ANKRD12: variants seen among roughly 807,000 people sequenced by gnomAD.
ANKRD12 encodes the protein ankyrin repeat domain 12.
A neutral mutation model predicts 183.4 loss-of-function variants in ANKRD12; 85 were observed. The ratio of observed to expected loss-of-function variants is 0.46; its 90% CI spans 0.39 to 0.56. ANKRD12 has a LOEUF of 0.56. ANKRD12 is among the 20% of genes least tolerant of loss of function. ANKRD12 has a pLI of 0.00. For missense variants in ANKRD12, 2,405 were observed against 2,357.1 expected, an observed-to-expected ratio of 1.02 and a Z score of -0.42; for synonymous variants, 914 against 800.2, an observed-to-expected ratio of 1.14 and a Z score of -2.40.
In ANKRD12 at chr18:9,258,248, A is replaced by G; in HGVS notation, c.4981A>G (p.Lys1661Glu). Reference sequence around the variant, plus strand: ...ATGTGAAATGAATGCAGGGATGCCAAAAGGAAACCTAAATGAACAAGATCC... The same window carrying G: ...ATGTGAAATGAATGCAGGGATGCCAGAAGGAAACCTAAATGAACAAGATCC... ...DLCEMNAGMP[K>E]GNLNEQDPKH... Residue 1661 changes from lysine to glutamate, a missense_variant, in exon 9 of 13, where the codon AAA becomes GAA. Lys to Glu is a moderately conservative substitution (Grantham distance 56). This residue lies in a region of ANKRD12 where 1,983 missense variants were observed against 1,725.9 expected (regional missense o/e 1.15). Transcript: ENST00000262126. 6.2e-7 allele frequency: 1 copy of G among 1,613,850 alleles called. No individual in the cohort carries two copies. Among genetic ancestry groups the G allele is most frequent in the East Asian group, 2.2e-5 (1 of 44,846 alleles).
At chr18:9,266,876 C>CA in intron 10 of ANKRD12, among the ~76,000 whole-genome samples, 1 of 152,284 alleles carries the variant, frequency 6.6e-6, no homozygotes, top group East Asian at 1.9e-4. Flanking sequence ...AAACCCATCT[C>CA]ACGTGCAGAG....
chr18:9,179,852 T>C (rs1567884465), intron 1 of ANKRD12, among the ~76,000 whole-genome samples: 1 of 152,202 alleles, frequency 6.6e-6, no homozygotes, highest in Non-Finnish European at 1.5e-5. Flanking sequence ...GAGCAAACTT[T>C]GTATGGTTTT....
intron 8 of ANKRD12, among the ~76,000 whole-genome samples, chr18:9,227,522 T>C (rs1483645636): frequency 6.6e-6 from 1 of 152,180 alleles, no homozygotes; most frequent in African/African-American, 2.4e-5. Flanking sequence ...AAGACTAATA[T>C]AAGATCTTAC....
chr18:9,163,254 T>G (rs1048708732), intron 1 of ANKRD12, among the ~76,000 whole-genome samples: 4 of 152,188 alleles, frequency 2.6e-5, no homozygotes, highest in Admixed American at 1.3e-4. Flanking sequence ...TCAATTTTTT[T>G]GCATATGGCT....
intron 2 of ANKRD12, among the ~76,000 whole-genome samples, chr18:9,188,376 C>G (rs1185239593): frequency 6.6e-6 from 1 of 152,166 alleles, no homozygotes; most frequent in African/African-American, 2.4e-5. Flanking sequence ...GGAGACACTA[C>G]CTCTGTCTTT....
chr18:9,138,127 A>G (rs1316137921), intron 1 of ANKRD12, among the ~76,000 whole-genome samples: 1 of 152,242 alleles, frequency 6.6e-6, no homozygotes, highest in Non-Finnish European at 1.5e-5. Flanking sequence ...ATCTGCAGTC[A>G]TGTATTTCGT....
chr18:9,256,264 C>T lies in ANKRD12; in HGVS notation c.2997C>T (p.Ser999=), dbSNP rs768438894. Residue 999 remains serine (S), a synonymous_variant, in exon 9 of 13, where the codon TCC becomes TCT. Coordinates refer to ENST00000262126, the MANE Select transcript of ANKRD12 (RefSeq NM_015208.5). ...GNKAQHEKPL[S]LKEKTKDEPL... The stretch of plus-strand genomic sequence containing the variant: ...AAGCACAACATGAAAAACCCTTATC[C>T]CTTAAAGAAAAAACAAAAGATGAAC... 6 of 1,603,272 alleles carry T rather than the reference C, an allele frequency of 3.7e-6. No homozygotes were observed. In the East Asian group the frequency reaches 1.3e-4, roughly 36 times the overall value.
At chr18:9,186,670 A>C (rs2034083987) in intron 2 of ANKRD12, among the ~76,000 whole-genome samples, 1 of 151,822 alleles carries the variant, frequency 6.6e-6, no homozygotes, top group African/African-American at 2.4e-5. Context: ...TTTTAAGACA[A>C]AGTGAAGAAG....
At chr18:9,148,699 CG>C (rs921892120) in intron 1 of ANKRD12, among the ~76,000 whole-genome samples, 4 of 152,112 alleles carry the variant, frequency 2.6e-5, no homozygotes, top group Non-Finnish European at 5.9e-5. Context: ...ATCCTCCCCC[CG>C]CCACAATCTG....
At chr18:9,270,059 T>C (rs1251199568) in intron 10 of ANKRD12, among the ~76,000 whole-genome samples, 1 of 152,066 alleles carries the variant, frequency 6.6e-6, no homozygotes, top group African/African-American at 2.4e-5. Flanking sequence ...AAAACCACAA[T>C]GAGATACCAT....
At chr18:9,242,328 ACT>A (rs2037711208) in intron 8 of ANKRD12, among the ~76,000 whole-genome samples, 1 of 152,166 alleles carries the variant, frequency 6.6e-6, no homozygotes, top group Admixed American at 6.5e-5. Flanking sequence ...GTGCCTAGCA[ACT>A]TAAAGTGAGT....
At chr18:9,238,642 G>A (rs2037482231) in intron 8 of ANKRD12, among the ~76,000 whole-genome samples, 1 of 152,168 alleles carries the variant, frequency 6.6e-6, no homozygotes, top group African/African-American at 2.4e-5. Flanking sequence ...TAGGTACTGA[G>A]GATACAGCTG....
chr18:9,144,868 T>C (rs749131561), intron 1 of ANKRD12, among the ~76,000 whole-genome samples: 17 of 151,818 alleles, frequency 1.1e-4, no homozygotes, highest in Non-Finnish European at 2.4e-4. Context: ...ATATTAATTA[T>C]GTATGTATTT....
chr18:9,277,798 G>A (rs2039924470), intron 11 of ANKRD12, among the ~76,000 whole-genome samples: 1 of 132,270 alleles, frequency 7.6e-6, no homozygotes, highest in Non-Finnish European at 1.7e-5. Context: ...CAGCAGAGTT[G>A]AGGAATGCCC....
Position 9,222,014 on chromosome 18 carries a change from A to G in ANKRD12, c.943+15A>G, listed in dbSNP as rs939124713. On this transcript the variant is annotated intron_variant, in intron 8 of 12. Coordinates refer to ENST00000262126, the MANE Select transcript of ANKRD12 (RefSeq NM_015208.5). ...AAGTTACACAGGTTTGTTTCAGATA[A>G]TCTACATTCATCTGTTCGTTTGACA... The G allele has an allele frequency of 1.2e-6, 2 of 1,611,878 alleles. No homozygotes were observed. The highest frequency in any genetic ancestry group is 1.7e-6 in the Non-Finnish European group (2 of 1,179,032).
intron 10 of ANKRD12, among the ~76,000 whole-genome samples, chr18:9,271,271 C>T (rs552102788): frequency 6.6e-6 from 1 of 152,242 alleles, no homozygotes; most frequent in African/African-American, 2.4e-5. Context: ...GGTGTGGTGG[C>T]TCATGCCTGT....
At chr18:9,245,076 C>A (rs2145049037) in intron 8 of ANKRD12, among the ~76,000 whole-genome samples, 1 of 151,928 alleles carries the variant, frequency 6.6e-6, no homozygotes, top group Non-Finnish European at 1.5e-5. Flanking sequence ...GCACTTAGCC[C>A]ATCTGAATAA....
At chr18:9,246,013 T>A (rs560125915) in intron 8 of ANKRD12, among the ~76,000 whole-genome samples, 2 of 152,336 alleles carry the variant, frequency 1.3e-5, no homozygotes, top group African/African-American at 4.8e-5. Context: ...TCATGACAGA[T>A]GTATTATTAG....
intron 10 of ANKRD12, among the ~76,000 whole-genome samples, chr18:9,266,994 C>T (rs919083567): frequency 1.9e-4 from 29 of 151,934 alleles, no homozygotes; most frequent in African/African-American, 6.8e-4. Context: ...AGACTTGAAA[C>T]CAACAAAGAT....
Sources: gnomAD v4.1 joint callset for allele counts (sites outside exome capture counted in the v4.1 genomes callset) on GRCh38, gnomAD v4.1.1 for gene constraint, gnomAD v4.1.1 regional missense constraint, MANE v1.5 for transcripts, NCBI Gene and HGNC (gene_info 2026-07-23, HGNC 2026-07-21) for gene names.